Variants in CEP128 observed in about 807,000 individuals in gnomAD.
CEP128 encodes centrosomal protein 128kDa.
In CEP128, 132 loss-of-function variants were observed where a neutral mutation model predicts 156.7. The ratio of observed to expected loss-of-function variants is 0.84; its 90% confidence interval spans 0.73 to 0.97. The LOEUF is 0.97. Among genes scored for constraint, CEP128 ranks in the 50% least tolerant of loss-of-function variants. CEP128 has a pLI of 0.00. For synonymous variants in CEP128, 469 were observed against 448.9 expected, an observed-to-expected ratio of 1.04 and a Z score of -0.57; for missense variants, 1,252 against 1,281.9, an observed-to-expected ratio of 0.98 and a Z score of 0.36.
rs907937503 is a variant in CEP128 at position 80,627,446 on chromosome 14, C to T, written c.2807-47023G>A. ...AGAACGCATCACATGAAGTGTCCAC[C>T]TATGTACAGTACCTCATTACTAATG... On this transcript the variant is annotated intron_variant, in intron 19 of 24. Coordinates refer to ENST00000555265, the MANE Select transcript of CEP128 (RefSeq NM_152446.5). Among the ~76,000 whole-genome samples, 38 of 152,194 alleles carry T rather than the reference C, an allele frequency of 2.5e-4. 1 individual carries two copies. The highest frequency in any genetic ancestry group is 5.9e-5 in the Non-Finnish European group (4 of 68,028).
At chr14:80,519,811 C>A (rs968541111) in intron 23 of CEP128, among the ~76,000 whole-genome samples, 2 of 150,908 alleles carry the variant, frequency 1.3e-5, no homozygotes, top group Non-Finnish European at 3.0e-5. Context: ...TCCAAATACT[C>A]CACAATTTAG....
chr14:80,695,631 C>A (rs923865909), intron 19 of CEP128, among the ~76,000 whole-genome samples: 1 of 150,862 alleles, frequency 6.6e-6, no homozygotes, highest in Admixed American at 6.6e-5. Flanking sequence ...GCAGGAGAAT[C>A]GCTTGAACCC....
At chr14:80,852,799 T>C (rs1886958748) in intron 9 of CEP128, among the ~76,000 whole-genome samples, 1 of 151,924 alleles carries the variant, frequency 6.6e-6, no homozygotes, top group Non-Finnish European at 1.5e-5. Flanking sequence ...AAGGAATCCA[T>C]CTAATTCATT....
intron 19 of CEP128, among the ~76,000 whole-genome samples, chr14:80,617,371 C>T (rs1427249186): frequency 6.6e-6 from 1 of 151,740 alleles, no homozygotes; most frequent in Non-Finnish European, 1.5e-5. Flanking sequence ...GCTGGGACTA[C>T]AGGCGCAAGA....
chr14:80,711,332 T>TGC (rs1479966443), intron 19 of CEP128, among the ~76,000 whole-genome samples: 1 of 151,240 alleles, frequency 6.6e-6, no homozygotes, highest in Non-Finnish European at 1.5e-5. Flanking sequence ...TGTGTGTGTG[T>TGC]GTCTATATGT....
chr14:80,849,389 T>C (rs1045926601), intron 9 of CEP128, among the ~76,000 whole-genome samples: 3 of 152,156 alleles, frequency 2.0e-5, no homozygotes, highest in African/African-American at 7.2e-5. Flanking sequence ...AGCATCACTG[T>C]AACTTGATTG....
chr14:80,806,423 C>T (rs1279457254), intron 13 of CEP128, among the ~76,000 whole-genome samples: 1 of 152,084 alleles, frequency 6.6e-6, no homozygotes, highest in Non-Finnish European at 1.5e-5. Flanking sequence ...TAACTTAAAA[C>T]ACAAGGGACA....
chr14:80,619,879 C>A (rs1274351617), intron 19 of CEP128, among the ~76,000 whole-genome samples: 1 of 151,436 alleles, frequency 6.6e-6, no homozygotes, highest in Non-Finnish European at 1.5e-5. Context: ...AATCCCAGCA[C>A]TTTGGGAGGT....
chr14:80,948,458 T>C (rs902250512), intron 2 of CEP128, among the ~76,000 whole-genome samples: 1 of 152,200 alleles, frequency 6.6e-6, no homozygotes, highest in Non-Finnish European at 1.5e-5. Flanking sequence ...TGAGCCACTA[T>C]TAATGTACTA....
At chr14:80,500,457 C>T (rs1887682961) in intron 24 of CEP128, among the ~76,000 whole-genome samples, 1 of 152,200 alleles carries the variant, frequency 6.6e-6, no homozygotes. Context: ...CCCCAGCTTT[C>T]ATGTTCCACC....
At chr14:80,771,901 A>C (rs1253373905) in intron 16 of CEP128, among the ~76,000 whole-genome samples, 2 of 152,214 alleles carry the variant, frequency 1.3e-5, no homozygotes, top group Non-Finnish European at 2.9e-5. Flanking sequence ...CTACCCAAGG[A>C]TAGCTGGGAG....
At chr14:80,953,639 T>C (rs1258376053) in intron 2 of CEP128, among the ~76,000 whole-genome samples, 1 of 152,202 alleles carries the variant, frequency 6.6e-6, no homozygotes, top group Non-Finnish European at 1.5e-5. Context: ...GATTTATCCC[T>C]GCAATTCAAG....
intron 9 of CEP128, among the ~76,000 whole-genome samples, chr14:80,848,745 G>T (rs1886738055): frequency 6.6e-6 from 1 of 151,604 alleles, no homozygotes; most frequent in Non-Finnish European, 1.5e-5. Context: ...GATCAGAGGG[G>T]ATCTATTGTC....
upstream of CEP128, among the ~76,000 whole-genome samples, chr14:80,946,542 A>G (rs1886348470): frequency 6.6e-6 from 1 of 152,060 alleles, no homozygotes; most frequent in Non-Finnish European, 1.5e-5. Context: ...ACACTTTTGA[A>G]CCATACGAAA....
intron 13 of CEP128, among the ~76,000 whole-genome samples, chr14:80,815,941 C>T (rs1884828297): frequency 1.3e-5 from 2 of 151,890 alleles, no homozygotes; most frequent in South Asian, 2.1e-4. Flanking sequence ...ATAATAGATA[C>T]TGGAGACCCA....
chr14:80,810,347 A>AAAAAAAAAAAAAAAAC, intron 13 of CEP128, among the ~76,000 whole-genome samples: 1 of 148,966 alleles, frequency 6.7e-6, no homozygotes, highest in Non-Finnish European at 1.5e-5. Flanking sequence ...AAAAAAAAAA[A>AAAAAAAAAAAAAAAAC]AGAATATACA....
At chr14:80,578,067 A>G (rs933356810) in intron 20 of CEP128, among the ~76,000 whole-genome samples, 1 of 152,162 alleles carries the variant, frequency 6.6e-6, no homozygotes, top group African/African-American at 2.4e-5. Context: ...ACCCTTACCT[A>G]TGACAAACAA....
chr14:80,733,339 CGTGTGTGTGTGTGTGTGTGTGTGT>C (rs55964142), intron 19 of CEP128, among the ~76,000 whole-genome samples: 1 of 140,136 alleles, frequency 7.1e-6, no homozygotes, highest in African/African-American at 2.7e-5. Context: ...CCACATGGGT[CGTGTGTGTGTGTGTGTGTGTGTGT>C]GTGTGTGTGT....
chr14:80,849,293 C>A (rs1886768909), intron 9 of CEP128, among the ~76,000 whole-genome samples: 1 of 152,142 alleles, frequency 6.6e-6, no homozygotes, highest in Non-Finnish European at 1.5e-5. Flanking sequence ...ACCTTCCAAA[C>A]AAGTTCACAG....
Sources: gnomAD v4.1 joint callset for allele counts (sites outside exome capture counted in the v4.1 genomes callset) on GRCh38, gnomAD v4.1.1 for gene constraint, MANE v1.5 for transcripts, NCBI Gene and HGNC (gene_info 2026-07-23, HGNC 2026-07-21) for gene names.